Variants in ZNF385D observed in about 807,000 individuals in gnomAD.
The protein encoded by ZNF385D is zinc finger protein 659.
ZNF385D carries 15 observed loss-of-function variants against 35.8 expected under a neutral mutation model. The ratio of observed to expected loss-of-function variants is 0.42; its 90% confidence interval spans 0.28 to 0.64. ZNF385D has a LOEUF of 0.64. Among genes scored for constraint, ZNF385D ranks in the 30% least tolerant of loss-of-function variants. ZNF385D has a pLI of 0.23. For synonymous variants in ZNF385D, 212 were observed against 186.8 expected (o/e 1.13, Z -1.10); for missense variants, 474 against 494.6 (o/e 0.96, Z 0.39).
upstream of ZNF385D, among the ~76,000 whole-genome samples, chr3:21,752,795 C>A (rs974287579): frequency 6.6e-6 from 1 of 151,904 alleles, no homozygotes; most frequent in African/African-American, 2.4e-5. Flanking sequence ...AACAATGTTA[C>A]GGGAAAGTAT....
chr3:21,828,762 T>A (rs1314125643), intron 3 of ZNF385D, among the ~76,000 whole-genome samples: 2 of 152,214 alleles, frequency 1.3e-5, no homozygotes, highest in African/African-American at 4.8e-5. Context: ...AAATTAGTTT[T>A]ACTGCACTGA....
chr3:21,440,781 A>T (rs547752924), intron 4 of ZNF385D, among the ~76,000 whole-genome samples: 1 of 152,284 alleles, frequency 6.6e-6, no homozygotes, highest in South Asian at 2.1e-4. Flanking sequence ...TAACCAGTCA[A>T]CAAATGGTGC....
rs139505243 is a variant in ZNF385D, at chr3:22,038,169, C to T, written c.325+130648G>A. ...CAACCTAGAGCAAATTGCTGAACTA[C>T]GAAGTGTAGGAGATAACAAGATGAA... is the stretch of plus-strand genomic sequence containing the variant. On this transcript the variant is annotated intron_variant, in intron 3 of 5. Transcript: ENST00000494108. Among the ~76,000 whole-genome samples, 22 of 152,176 alleles carry T rather than the reference C, an allele frequency of 1.4e-4. No individual in the cohort carries two copies. In the East Asian group the frequency reaches 3.7e-3, roughly 25 times the overall value.
rs534554858 is a variant in ZNF385D at position 22,023,663 on chromosome 3, T to C, written c.325+145154A>G. On this transcript the variant is annotated intron_variant, in intron 3 of 5. Transcript: ENST00000494108. ...ATGAGTTAGCAGCAAAGCAATGCTT[T>C]TTTTTTTATCAAACTGATGATTCAC... Among the ~76,000 whole-genome samples the C allele has an allele frequency of 2.6e-3, 390 of 152,198 alleles. 3 individuals carry two copies. Among genetic ancestry groups the C allele is most frequent in the African/African-American group, 8.9e-3 (370 of 41,538 alleles).
At chr3:22,087,351 G>C (rs779074929) in intron 3 of ZNF385D, among the ~76,000 whole-genome samples, 6 of 151,882 alleles carry the variant, frequency 4.0e-5, no homozygotes, top group African/African-American at 9.7e-5. Flanking sequence ...AACACTCAGA[G>C]AAATAAAAAG....
intron 2 of ZNF385D, among the ~76,000 whole-genome samples, chr3:22,174,795 A>C (rs1179402769): frequency 1.3e-5 from 2 of 152,150 alleles, no homozygotes; most frequent in African/African-American, 4.8e-5. Context: ...CAAAGTCAAA[A>C]TTACAAGTTT....
intron 3 of ZNF385D, among the ~76,000 whole-genome samples, chr3:21,853,480 A>G (rs547215292): frequency 6.7e-6 from 1 of 149,676 alleles, no homozygotes; most frequent in Non-Finnish European, 1.5e-5. Flanking sequence ...CAAGTGTTTT[A>G]GAGTTTAATT....
Position 22,202,051 on chromosome 3 carries a change from A to T in ZNF385D, c.107-33016T>A, listed in dbSNP as rs186544710. 3.2e-3 allele frequency among the ~76,000 whole-genome samples: 485 copies of T among 152,110 alleles called. 3 individuals are homozygous for T. Among genetic ancestry groups the T allele is most frequent in the Non-Finnish European group, 3.1e-3 (212 of 67,974 alleles). The stretch of plus-strand genomic sequence containing the variant: ...TTTGCACCTAAAGTTTTTTATTTCT[A>T]TTTGAGTCAGGAAACTGGGAAGTTG... On this transcript the variant is annotated intron_variant, in intron 2 of 5. Coordinates refer to the ZNF385D transcript ENST00000494108.
intron 2 of ZNF385D, among the ~76,000 whole-genome samples, chr3:22,349,946 G>T (rs1695841047): frequency 6.6e-6 from 1 of 152,130 alleles, no homozygotes; most frequent in South Asian, 2.1e-4. Context: ...TTACAAGTGT[G>T]AAATAATAAT....
rs144487829 is a variant in ZNF385D at position 22,202,212 on chromosome 3, T to A, written c.107-33177A>T. Among the ~76,000 whole-genome samples, 232 of 152,246 alleles carry A rather than the reference T, an allele frequency of 1.5e-3. 1 individual carries two copies. Among genetic ancestry groups the A allele is most frequent in the African/African-American group, 5.2e-3 (216 of 41,564 alleles). On this transcript the variant is annotated intron_variant, in intron 2 of 5. Transcript: ENST00000494108. ...AACTAACTGATTTCACATACAGCACTTAAGAAAGCTCATAGAAGAACCTAT... is the reference window on the plus strand; with the variant it reads ...AACTAACTGATTTCACATACAGCACATAAGAAAGCTCATAGAAGAACCTAT...
At chr3:21,736,561 A>G (rs1293299345) in intron 1 of ZNF385D, among the ~76,000 whole-genome samples, 1 of 152,222 alleles carries the variant, frequency 6.6e-6, no homozygotes, top group Non-Finnish European at 1.5e-5. Context: ...GCAGAAGGGT[A>G]AAATTTCACT....
chr3:21,875,398 T>C (rs1207691509), intron 3 of ZNF385D, among the ~76,000 whole-genome samples: 1 of 152,056 alleles, frequency 6.6e-6, no homozygotes, highest in Non-Finnish European at 1.5e-5. Context: ...CCATTTGCTT[T>C]GGATCCCACT....
At chr3:21,812,884 C>A (rs1224190615) in intron 3 of ZNF385D, among the ~76,000 whole-genome samples, 1 of 152,188 alleles carries the variant, frequency 6.6e-6, no homozygotes, top group Non-Finnish European at 1.5e-5. Flanking sequence ...TGAGAATGGA[C>A]AGAGTGCCTC....
intron 3 of ZNF385D, among the ~76,000 whole-genome samples, chr3:21,879,626 A>G (rs1698171547): frequency 6.6e-6 from 1 of 152,024 alleles, no homozygotes; most frequent in Non-Finnish European, 1.5e-5. Flanking sequence ...CTGTTGTAAT[A>G]TGCCACAGCA....
rs141438787 is a variant in ZNF385D, at chr3:22,320,999, G to A, written c.106+51451C>T. ...ATGAAAGCAGGAAAAACAAATTTGCGGAAAAACATAATAAATCCTGTTATA... is the reference window on the plus strand; with the variant it reads ...ATGAAAGCAGGAAAAACAAATTTGCAGAAAAACATAATAAATCCTGTTATA... On this transcript the variant is annotated intron_variant, in intron 2 of 5. Transcript: ENST00000494108. Among the ~76,000 whole-genome samples, 256 of 151,816 alleles carry A rather than the reference G, an allele frequency of 1.7e-3. 1 individual carries two copies. Among genetic ancestry groups the A allele is most frequent in the African/African-American group, 5.5e-3 (229 of 41,464 alleles).
intron 3 of ZNF385D, among the ~76,000 whole-genome samples, chr3:21,993,840 A>G (rs947524400): frequency 3.3e-5 from 5 of 152,170 alleles, no homozygotes; most frequent in African/African-American, 1.2e-4. Context: ...TGTTTCTGCC[A>G]TGGTTATACC....
chr3:21,761,831 T>A (rs1022530122), intron 3 of ZNF385D, among the ~76,000 whole-genome samples: 16 of 150,858 alleles, frequency 1.1e-4, no homozygotes, highest in Non-Finnish European at 5.9e-5. Flanking sequence ...TTTAAAGTCA[T>A]AATGGCTTAA....
intron 3 of ZNF385D, among the ~76,000 whole-genome samples, chr3:21,863,214 A>T (rs529931207): frequency 6.6e-6 from 1 of 152,258 alleles, no homozygotes; most frequent in African/African-American, 2.4e-5. Context: ...GAGCTAAAAC[A>T]ATATACTGAT....
At chr3:22,105,273 C>T (rs1388494627) in intron 3 of ZNF385D, among the ~76,000 whole-genome samples, 2 of 150,684 alleles carry the variant, frequency 1.3e-5, no homozygotes. Context: ...ACATTTAACA[C>T]ACTTAATTAA....
Sources: allele counts gnomAD v4.1 joint callset (sites outside exome capture counted in the v4.1 genomes callset), GRCh38; gene constraint gnomAD v4.1.1; transcripts MANE v1.5; gene names NCBI Gene and HGNC (gene_info 2026-07-23, HGNC 2026-07-21).